TRPM6: variants seen among roughly 807,000 people sequenced by gnomAD.
TRPM6 encodes the protein transient receptor potential cation channel subfamily M member 6.
A neutral mutation model predicts 247.6 loss-of-function variants in TRPM6; 111 were observed. That is an observed-to-expected ratio of 0.45 (90% CI 0.38 to 0.52). TRPM6 has a LOEUF of 0.52. Among genes scored for constraint, TRPM6 ranks in the 20% least tolerant of loss-of-function variants. The pLI, the probability that TRPM6 is intolerant of heterozygous loss-of-function variation, is 0.00. For missense variants in TRPM6, 2,126 were observed against 2,421.5 expected, an observed-to-expected ratio of 0.88 and a Z score of 2.56; for synonymous variants, 892 against 853.8, an observed-to-expected ratio of 1.04 and a Z score of -0.78.
Position 74,762,430 on chromosome 9 carries a change from A to T in TRPM6, c.4241T>A (p.Leu1414Gln). The change falls in exon 26 of 39, where the codon CTG becomes CAG. Residue 1414 changes from leucine to glutamine, a missense_variant. Physicochemically the swap from Leu to Gln is moderately radical, Grantham distance 113. Coordinates refer to ENST00000360774, the MANE Select transcript of TRPM6 (RefSeq NM_017662.5). ...TTGCTCTGCCTTGTCTTGTCCATCC[A>T]GTAAGTGAGCAATAGGCTCGTGCTT... Reference protein sequence around the residue: ...KEKHEPIAHLLDGQDKAEQVL... With the variant: ...KEKHEPIAHLQDGQDKAEQVL... The T allele has an allele frequency of 6.2e-7, 1 of 1,614,186 alleles. No individual in the cohort carries two copies. The highest frequency in any genetic ancestry group is 1.1e-5 in the South Asian group (1 of 91,088).
intron 14 of TRPM6, among the ~76,000 whole-genome samples, chr9:74,807,783 T>C (rs1006021507): frequency 8.5e-5 from 13 of 152,232 alleles, no homozygotes; most frequent in Admixed American, 8.5e-4. Flanking sequence ...GCATGTATTA[T>C]ATACTGTTTT....
intron 38 of TRPM6, 37 bp downstream of exon 38, chr9:74,728,202 G>C (rs756808152): frequency 7.1e-7 from 1 of 1,410,436 alleles, no homozygotes; most frequent in African/African-American, 1.4e-5. Context: ...TTCTATGAGA[G>C]ATTTACTTAG....
intron 16 of TRPM6, 24 bp from the exon 17 acceptor site, chr9:74,800,506 G>A: frequency 9.7e-6 from 15 of 1,547,204 alleles, no homozygotes; most frequent in Non-Finnish European, 1.2e-5. Flanking sequence ...GGCCAATTAA[G>A]AAAACAAAGG....
intron 1 of TRPM6, among the ~76,000 whole-genome samples, chr9:74,863,626 G>A (rs1830754119): frequency 6.6e-6 from 1 of 152,030 alleles, no homozygotes; most frequent in Admixed American, 6.5e-5. Context: ...CTGTCTCCCA[G>A]GCTGGAGTGC....
chr9:74,783,253 G>A (rs1827526514), intron 21 of TRPM6, among the ~76,000 whole-genome samples: 1 of 151,968 alleles, frequency 6.6e-6, no homozygotes, highest in African/African-American at 2.4e-5. Context: ...ATTGTCTTCA[G>A]GAATTGATTA....
chr9:74,749,011 CT>C (rs1322641936), intron 30 of TRPM6, among the ~76,000 whole-genome samples: 1 of 152,044 alleles, frequency 6.6e-6, no homozygotes, highest in Non-Finnish European at 1.5e-5. Context: ...TTTTACTGTA[CT>C]TTTTTTGTGT....
intron 17 of TRPM6, chr9:74,800,043 C>T (rs1372600396): frequency 6.8e-6 from 4 of 590,406 alleles, no homozygotes; most frequent in Non-Finnish European, 9.1e-6. Context: ...GTCGCTCAGT[C>T]GCAGAAGACG....
Position 74,792,752 on chromosome 9 carries a change from T to A in TRPM6, c.2410A>T (p.Arg804Trp). The change falls in exon 19 of 39, where the codon AGG becomes TGG. Residue 804 changes from arginine to tryptophan, a missense_variant. Coordinates refer to ENST00000360774, the MANE Select transcript of TRPM6 (RefSeq NM_017662.5). ...TCATCCAGTTTCTCATCATGGCCCC[T>A]TTCCAAATCATACTCTTTCTATAAA... ...SASVKEYDLE[R>W]GHDEKLDENQ... 6.2e-7 allele frequency: 1 copy of A among 1,613,870 alleles called. No homozygotes were observed. Among genetic ancestry groups the A allele is most frequent in the Non-Finnish European group, 8.5e-7 (1 of 1,179,748 alleles).
chr9:74,887,179 G>C, intron 1 of TRPM6: 17 of 1,180,254 alleles, frequency 1.4e-5, no homozygotes, highest in Admixed American at 3.7e-5. Context: ...TTGCAAGTCC[G>C]GGCGGCGCCG....
At position 74,738,536 on chromosome 9, in the gene TRPM6, A is replaced by G; in HGVS notation, c.5647T>C (p.Phe1883Leu). 3 of 1,613,332 alleles carry G rather than the reference A, an allele frequency of 1.9e-6. No individual in the cohort carries two copies. The highest frequency in any genetic ancestry group is 2.5e-6 in the Non-Finnish European group (3 of 1,179,854). The change falls in exon 36 of 39, where the codon TTC (phenylalanine) becomes CTC (leucine). Residue 1883 changes from phenylalanine to leucine, a missense_variant. Around this residue, in one of 3 missense-constraint regions of TRPM6, gnomAD observed 327 missense variants for 397.7 expected, o/e 0.82. Transcript: ENST00000360774. ...CCATTGTTGTTGTTATACTTCCGGAACTCCCCTGTCATATACTTCTCAATG... is the reference window on the plus strand; with the variant it reads ...CCATTGTTGTTGTTATACTTCCGGAGCTCCCCTGTCATATACTTCTCAATG... ...LTIEKYMTGE[F>L]RKYNNNNGDE...
chr9:74,865,027 C>T (rs1357913404), intron 1 of TRPM6, among the ~76,000 whole-genome samples: 2 of 150,010 alleles, frequency 1.3e-5, no homozygotes, highest in African/African-American at 4.9e-5. Context: ...GGGCTGAGAT[C>T]GTGCCACTGC....
At chr9:74,845,704 A>T (rs1269782649) in intron 3 of TRPM6, among the ~76,000 whole-genome samples, 1 of 151,992 alleles carries the variant, frequency 6.6e-6, no homozygotes, top group Non-Finnish European at 1.5e-5. Flanking sequence ...GTGGTGGAGC[A>T]AGTCTGTAAT....
chr9:74,794,198 T>A (rs977616247), intron 18 of TRPM6, among the ~76,000 whole-genome samples: 1 of 152,154 alleles, frequency 6.6e-6, no homozygotes, highest in Non-Finnish European at 1.5e-5. Flanking sequence ...TTTAAAGTAA[T>A]ATTAAAAGAA....
At chr9:74,791,792 G>A (rs1306649509) in intron 19 of TRPM6, among the ~76,000 whole-genome samples, 1 of 152,114 alleles carries the variant, frequency 6.6e-6, no homozygotes, top group Non-Finnish European at 1.5e-5. Flanking sequence ...GTCTCGCTCT[G>A]TTGCCCAGGC....
chr9:74,747,424 T>C (rs971686151), intron 31 of TRPM6, among the ~76,000 whole-genome samples: 3 of 152,224 alleles, frequency 2.0e-5, no homozygotes, highest in African/African-American at 7.2e-5. Flanking sequence ...TTGTAAATTG[T>C]AGTCAAGTTT....
At position 74,738,294 on chromosome 9, in the gene TRPM6, C is replaced by T; in HGVS notation, c.5776+113G>A. 4 of 1,064,556 alleles carry T rather than the reference C, an allele frequency of 3.8e-6. No individual in the cohort carries two copies. In the South Asian group the frequency reaches 3.9e-5, roughly 10 times the overall value. The allele number at this position is 1,064,556 out of a possible 1,614,324, so 65.9% of individuals were successfully genotyped here. On this transcript the variant is annotated intron_variant, in intron 36 of 38. Coordinates refer to ENST00000360774, the MANE Select transcript of TRPM6 (RefSeq NM_017662.5). ...AATGTCTCTGAAATAAATGTGCCCA[C>T]CTCCCTTCAAAGCTAAATAGAGCAA... is the stretch of plus-strand genomic sequence containing the variant.
intron 23 of TRPM6, among the ~76,000 whole-genome samples, chr9:74,781,780 T>C (rs1165672494): frequency 6.6e-6 from 1 of 152,096 alleles, no homozygotes; most frequent in Admixed American, 6.6e-5. Flanking sequence ...CAACTCAAGA[T>C]CTCCTTGCAT....
intron 25 of TRPM6, among the ~76,000 whole-genome samples, chr9:74,770,870 G>A (rs894796374): frequency 4.6e-5 from 7 of 152,058 alleles, no homozygotes; most frequent in African/African-American, 1.7e-4. Context: ...AAACCTTACC[G>A]TGTCCCCATA....
chr9:74,878,027 A>C (rs1831245853), intron 1 of TRPM6, among the ~76,000 whole-genome samples: 1 of 152,020 alleles, frequency 6.6e-6, no homozygotes, highest in South Asian at 2.1e-4. Context: ...CACAGTTGGC[A>C]CCTGAGCTCT....
Sources: gnomAD v4.1 joint callset for allele counts (sites outside exome capture counted in the v4.1 genomes callset) on GRCh38, gnomAD v4.1.1 for gene constraint, gnomAD v4.1.1 regional missense constraint, MANE v1.5 for transcripts, NCBI Gene and HGNC (gene_info 2026-07-23, HGNC 2026-07-21) for gene names.